The following SLC24A2 variants were observed in gnomAD, a reference collection of about 807,000 sequenced individuals.
The protein encoded by SLC24A2 is sodium/potassium/calcium exchanger 2.
SLC24A2 carries 36 observed loss-of-function variants against 62.0 expected under a neutral mutation model. That is an observed-to-expected ratio of 0.58 (90% CI 0.44 to 0.77). SLC24A2 has a LOEUF of 0.77. Among genes scored for constraint, SLC24A2 ranks in the 30% least tolerant of loss-of-function variants. The probability of loss-of-function intolerance (pLI) is 0.00; values close to 1 mark genes in which losing one functional copy is unlikely to be tolerated. For synonymous variants in SLC24A2, 358 were observed against 294.0 expected (o/e 1.22, Z -2.23); for missense variants, 846 against 817.9 (o/e 1.03, Z -0.42).
At chr9:19,588,157 T>A (rs2132878486) in intron 5 of SLC24A2, among the ~76,000 whole-genome samples, 1 of 146,304 alleles carries the variant, frequency 6.8e-6, no homozygotes, top group Non-Finnish European at 1.5e-5. Context: ...ACTGGTTCAA[T>A]ACAGTTTTTT....
chr9:20,089,662 TC>T, the SLC24A2 span, among the ~76,000 whole-genome samples: 1 of 151,364 alleles, frequency 6.6e-6, no homozygotes, highest in Non-Finnish European at 1.5e-5. Context: ...GGGGAGAGGC[TC>T]CCAGAGGCAT....
the SLC24A2 span, among the ~76,000 whole-genome samples, chr9:20,040,767 C>G: frequency 2.6e-5 from 4 of 152,216 alleles, no homozygotes; most frequent in South Asian, 8.3e-4. Context: ...GAAAGCTAAC[C>G]CAGGGAAGGG....
the SLC24A2 span, among the ~76,000 whole-genome samples, chr9:19,873,389 T>A: frequency 3.8e-4 from 58 of 150,942 alleles, no homozygotes; most frequent in African/African-American, 1.4e-3. Flanking sequence ...TCTCTTTCTC[T>A]CTCTCCTTCC....
intron 2 of SLC24A2, among the ~76,000 whole-genome samples, chr9:19,711,701 T>G (rs1820719476): frequency 6.6e-6 from 1 of 152,264 alleles, no homozygotes; most frequent in Admixed American, 6.5e-5. Flanking sequence ...TCCGCAATTC[T>G]GAATATACTT....
At chr9:19,700,783 G>A (rs919216173) in intron 2 of SLC24A2, among the ~76,000 whole-genome samples, 42 of 152,166 alleles carry the variant, frequency 2.8e-4, no homozygotes, top group African/African-American at 1.0e-3. Context: ...GGTTTCTGTA[G>A]TGTCAACTGA....
the SLC24A2 span, among the ~76,000 whole-genome samples, chr9:19,984,792 C>A: frequency 1.6e-4 from 24 of 152,220 alleles, no homozygotes; most frequent in South Asian, 8.3e-4. Context: ...AAAGAATAGT[C>A]TTTTTAACAA....
chr9:20,278,126 C>A, the SLC24A2 span, among the ~76,000 whole-genome samples: 1 of 151,990 alleles, frequency 6.6e-6, no homozygotes, highest in Non-Finnish European at 1.5e-5. Context: ...AGGAGATATA[C>A]CTAATGTAAA....
chr9:20,014,764 C>A, the SLC24A2 span, among the ~76,000 whole-genome samples: 3 of 151,810 alleles, frequency 2.0e-5, no homozygotes, highest in Admixed American at 6.6e-5. Flanking sequence ...AGTTGTTGTC[C>A]AAAGGGTACA....
chr9:20,285,258 C>G, the SLC24A2 span, among the ~76,000 whole-genome samples: 1 of 152,224 alleles, frequency 6.6e-6, no homozygotes, highest in Non-Finnish European at 1.5e-5. Flanking sequence ...TCTGAGTGCT[C>G]CAGAGAAACA....
the SLC24A2 span, among the ~76,000 whole-genome samples, chr9:19,816,160 T>C: frequency 6.6e-5 from 10 of 152,138 alleles, no homozygotes; most frequent in South Asian, 2.1e-3. Context: ...TCTTTCCTTC[T>C]TTGCATAGTT....
chr9:19,951,479 T>G, the SLC24A2 span, among the ~76,000 whole-genome samples: 2 of 152,178 alleles, frequency 1.3e-5, no homozygotes, highest in Non-Finnish European at 2.9e-5. Flanking sequence ...TCTAGAATAT[T>G]TACAGTTTTA....
intron 2 of SLC24A2, among the ~76,000 whole-genome samples, chr9:19,717,485 C>T (rs1034998826): frequency 7.9e-5 from 12 of 152,080 alleles, no homozygotes; most frequent in Non-Finnish European, 1.8e-4. Context: ...GGATAAAATG[C>T]ATTTATCAAT....
the SLC24A2 span, among the ~76,000 whole-genome samples, chr9:19,875,817 G>A: frequency 6.6e-6 from 1 of 152,156 alleles, no homozygotes; most frequent in Admixed American, 6.6e-5. Flanking sequence ...GCTAGATCAT[G>A]TCACTTGAAT....
At chr9:20,301,409 T>A in the SLC24A2 span, among the ~76,000 whole-genome samples, 1 of 152,146 alleles carries the variant, frequency 6.6e-6, no homozygotes, top group African/African-American at 2.4e-5. Context: ...ACCATAACCC[T>A]ACCACCTAGA....
At chr9:19,544,106 G>A (rs1834423251) in intron 8 of SLC24A2, among the ~76,000 whole-genome samples, 1 of 152,072 alleles carries the variant, frequency 6.6e-6, no homozygotes, top group Non-Finnish European at 1.5e-5. Flanking sequence ...TATGAACTTG[G>A]ATGCTCCTGA....
chr9:19,678,916 T>A (rs774114866), intron 2 of SLC24A2, among the ~76,000 whole-genome samples: 19 of 152,222 alleles, frequency 1.2e-4, no homozygotes, highest in Admixed American at 1.2e-3. Flanking sequence ...AAAAATAATA[T>A]ATTTCAGTCA....
chr9:20,013,698 T>C, the SLC24A2 span, among the ~76,000 whole-genome samples: 2 of 152,156 alleles, frequency 1.3e-5, no homozygotes, highest in Non-Finnish European at 2.9e-5. Context: ...AAAAGGTTAA[T>C]ATCCAAAATA....
chr9:19,818,295 G>C, the SLC24A2 span, among the ~76,000 whole-genome samples: 4 of 152,064 alleles, frequency 2.6e-5, no homozygotes, highest in Admixed American at 1.3e-4. Flanking sequence ...TGGCTAGCTA[G>C]GAGAGCCAGA....
chr9:19,872,243 A>T, the SLC24A2 span, among the ~76,000 whole-genome samples: 1 of 152,076 alleles, frequency 6.6e-6, no homozygotes, highest in Admixed American at 6.6e-5. Flanking sequence ...AGCTTTGGAG[A>T]CTCCTGAGAT....
Sources: gnomAD v4.1 joint callset for allele counts (sites outside exome capture counted in the v4.1 genomes callset) on GRCh38, gnomAD v4.1.1 for gene constraint, MANE v1.5 for transcripts, NCBI Gene and HGNC (gene_info 2026-07-23, HGNC 2026-07-21) for gene names.